Variants in RBM38 observed in about 807,000 individuals in gnomAD.
RBM38 encodes RNA binding motif protein 38, also known as RNA-binding protein 38.
RBM38 carries 11 observed loss-of-function variants against 23.5 expected under a neutral mutation model. The ratio of observed to expected loss-of-function variants is 0.47; its 90% CI spans 0.29 to 0.77. The LOEUF (loss-of-function observed/expected upper bound fraction) is 0.77, where lower values mean the gene tolerates loss of function less well. Among genes scored for constraint, RBM38 ranks in the 30% least tolerant of loss-of-function variants. The probability of loss-of-function intolerance (pLI) is 0.08; values close to 1 mark genes in which losing one functional copy is unlikely to be tolerated. For synonymous variants in RBM38, 165 were observed against 166.1 expected (o/e 0.99, Z 0.05); for missense variants, 330 against 351.9 (o/e 0.94, Z 0.50).
intron 3 of RBM38, among the ~76,000 whole-genome samples, chr20:57,402,811 C>T (rs973100532): frequency 2.0e-5 from 3 of 152,256 alleles, no homozygotes; most frequent in Non-Finnish European, 4.4e-5. Flanking sequence ...CCCATGCGTG[C>T]GTGGCTGCAT....
Position 57,407,361 on chromosome 20 carries a change from A to T in RBM38, c.417-182A>T, listed in dbSNP as rs1051233753. Among the ~76,000 whole-genome samples, 4 of 152,248 alleles carry T rather than the reference A, an allele frequency of 2.6e-5. No individual in the cohort carries two copies. Among genetic ancestry groups the T allele is most frequent in the African/African-American group, 4.8e-5 (2 of 41,540 alleles). ...GGAGGGAGCCTGGTGGTTAGTGCAG[A>T]CAGTCAGTGCGAAGGCCTTGAGGCG... On this transcript the variant is annotated intron_variant, in intron 3 of 3. Transcript: ENST00000356208. This position sits in a 1 kb window ranked among gnomAD's most constrained non-coding sequence, Gnocchi z 4.0.
intron 1 of RBM38, 145 bp from the exon 2 acceptor site, chr20:57,392,509 C>T: frequency 3.9e-6 from 6 of 1,528,126 alleles, no homozygotes; most frequent in Non-Finnish European, 5.3e-6. Flanking sequence ...TTCAGAGGAG[C>T]TTTGGCTCAA....
intron 3 of RBM38, among the ~76,000 whole-genome samples, chr20:57,394,544 G>A (rs1032769946): frequency 2.0e-5 from 3 of 152,274 alleles, no homozygotes; most frequent in East Asian, 1.9e-4. Context: ...GCGAGTGGCC[G>A]GGCAGCTCAG....
At chr20:57,401,338 C>CG (rs2067326110) in intron 3 of RBM38, among the ~76,000 whole-genome samples, 1 of 152,196 alleles carries the variant, frequency 6.6e-6, no homozygotes, top group Non-Finnish European at 1.5e-5. Flanking sequence ...CAGAGGCTGG[C>CG]GGGCTGTGCC....
chr20:57,392,322 C>A (rs907418947), intron 1 of RBM38: 2 of 965,506 alleles, frequency 2.1e-6, no homozygotes, highest in South Asian at 1.4e-5. Context: ...AGGAAAGTCT[C>A]GGCCCTCACT....
intron 1 of RBM38, chr20:57,392,438 GAACT>G (rs1313653667): frequency 6.5e-7 from 1 of 1,530,758 alleles, no homozygotes; most frequent in African/African-American, 1.4e-5. Flanking sequence ...CCCAGGCCTT[GAACT>G]TTGACGGGAG....
chr20:57,405,217 T>C lies in RBM38; in HGVS notation c.417-2326T>C, dbSNP rs552770820. Among the ~76,000 whole-genome samples the C allele has an allele frequency of 6.6e-5, 10 of 152,264 alleles. No individual in the cohort carries two copies. The South Asian group carries it at 1.9e-3, about 28-fold the overall frequency. On this transcript the variant is annotated intron_variant, in intron 3 of 3. Coordinates refer to ENST00000356208, the MANE Select transcript of RBM38 (RefSeq NM_017495.6). ...TGAGCCCCCCACTCTGGTTTATGGG[T>C]TGGTGCATTTTGGTGCCTCTCCCAT...
At chr20:57,401,228 G>A (rs781338843) in intron 3 of RBM38, among the ~76,000 whole-genome samples, 3 of 152,364 alleles carry the variant, frequency 2.0e-5, no homozygotes, top group Admixed American at 6.5e-5. Flanking sequence ...TCTCTGGGGT[G>A]CACAGAAGCA....
chr20:57,394,672 G>C (rs2067256472), intron 3 of RBM38, among the ~76,000 whole-genome samples: 1 of 152,144 alleles, frequency 6.6e-6, no homozygotes. Flanking sequence ...TCGTCTTAGA[G>C]GGTGTTTGGG....
At chr20:57,399,131 TG>T (rs1568809181) in intron 3 of RBM38, among the ~76,000 whole-genome samples, 1 of 151,900 alleles carries the variant, frequency 6.6e-6, no homozygotes, top group African/African-American at 2.4e-5. Context: ...CGACAGGAGC[TG>T]GGGAGGGGAA....
intron 3 of RBM38, among the ~76,000 whole-genome samples, chr20:57,401,801 G>A (rs2067330907): frequency 1.3e-5 from 2 of 152,190 alleles, no homozygotes; most frequent in South Asian, 4.1e-4. Context: ...GGCCAGGGAG[G>A]GCGCAGTGCA....
intron 3 of RBM38, among the ~76,000 whole-genome samples, chr20:57,403,417 C>G (rs1004547502): frequency 5.3e-5 from 8 of 152,184 alleles, no homozygotes; most frequent in African/African-American, 1.9e-4. Flanking sequence ...TGTTCTCACT[C>G]CCCCTTGGGG....
At chr20:57,397,479 C>T (rs951997368) in intron 3 of RBM38, among the ~76,000 whole-genome samples, 15 of 152,210 alleles carry the variant, frequency 9.9e-5, no homozygotes, top group African/African-American at 3.6e-4. Context: ...ATGTGCCTGC[C>T]CCACTGCATG....
intron 3 of RBM38, among the ~76,000 whole-genome samples, chr20:57,395,009 C>T (rs1256741303): frequency 1.3e-5 from 2 of 152,232 alleles, no homozygotes; most frequent in Non-Finnish European, 2.9e-5. Flanking sequence ...GACTTTGCCC[C>T]TTACCAGCTG....
intron 1 of RBM38, 184 bp from the exon 2 acceptor site, chr20:57,392,470 G>A (rs2067230221): frequency 6.5e-7 from 1 of 1,533,406 alleles, no homozygotes; most frequent in Admixed American, 2.0e-5. Flanking sequence ...AATCCAGGAG[G>A]CATCTTTGTG....
At chr20:57,392,301 C>G (rs1218784228) in intron 1 of RBM38, 12 of 720,584 alleles carry the variant, frequency 1.7e-5, no homozygotes, top group Non-Finnish European at 2.6e-5. Context: ...GCGTCGCAAA[C>G]TCCTTCTCAG....
intron 3 of RBM38, among the ~76,000 whole-genome samples, chr20:57,405,319 G>A (rs1013216464): frequency 1.3e-5 from 2 of 152,252 alleles, no homozygotes; most frequent in African/African-American, 2.4e-5. Context: ...TGTGAGAAAG[G>A]CGTCACAGCT....
At chr20:57,397,681 A>G (rs1428780448) in intron 3 of RBM38, among the ~76,000 whole-genome samples, 2 of 152,210 alleles carry the variant, frequency 1.3e-5, no homozygotes. Context: ...CCTTGAGAGC[A>G]TGGGATGCAC....
chr20:57,399,329 G>A (rs2067305060), intron 3 of RBM38, among the ~76,000 whole-genome samples: 1 of 152,186 alleles, frequency 6.6e-6, no homozygotes, highest in Non-Finnish European at 1.5e-5. Flanking sequence ...GCTGGGTTGA[G>A]CCTGGACTGC....
Sources: gnomAD v4.1 joint callset for allele counts (sites outside exome capture counted in the v4.1 genomes callset) on GRCh38, gnomAD v4.1.1 for gene constraint, Gnocchi (gnomAD v3.1) non-coding constraint, MANE v1.5 for transcripts, NCBI Gene and HGNC (gene_info 2026-07-23, HGNC 2026-07-21) for gene names.